The following LLGL1 variants were observed in gnomAD, a reference collection of about 807,000 sequenced individuals.
The protein encoded by LLGL1 is LLGL scribble cell polarity complex component 1, also known as lethal(2) giant larvae protein homolog 1.
LLGL1 carries 58 observed loss-of-function variants against 110.6 expected under a neutral mutation model. The ratio of observed to expected loss-of-function variants is 0.52; its 90% CI spans 0.42 to 0.65. LLGL1 has a LOEUF of 0.65. LLGL1 is among the 30% of genes least tolerant of loss of function. The probability of loss-of-function intolerance (pLI) is 0.00; values close to 1 mark genes in which losing one functional copy is unlikely to be tolerated. For synonymous variants in LLGL1, 674 were observed against 607.2 expected (o/e 1.11, Z -1.62); for missense variants, 1,229 against 1,462.1 (o/e 0.84, Z 2.60).
Position 18,238,173 on chromosome 17 carries a change from C to G in LLGL1, c.2011C>G (p.Arg671Gly). ...RQSFRRIRKS[R>G]VSGKKRAANA... The stretch of plus-strand genomic sequence containing the variant: ...GTCTTTCCGGCGCATTCGCAAGAGT[C>G]GTGTCTCTGGCAAGAAGCGGGCTGC... The change falls in exon 15 of 23, where the codon CGT (arginine) becomes GGT (glycine). Residue 671 changes from arginine (R) to glycine (G), a missense_variant. By Grantham distance (125) the Arg-to-Gly change is moderately radical. Transcript: ENST00000316843. 6.2e-7 allele frequency: 1 copy of G among 1,613,090 alleles called. No homozygotes were observed. Among genetic ancestry groups the G allele is most frequent in the Non-Finnish European group, 8.5e-7 (1 of 1,180,030 alleles).
At position 18,236,697 on chromosome 17, in the gene LLGL1, A is replaced by G; in HGVS notation, c.1443A>G (p.Thr481=). The G allele has an allele frequency of 6.2e-7, 1 of 1,612,728 alleles. No homozygotes were observed. Among genetic ancestry groups the G allele is most frequent in the South Asian group, 1.1e-5 (1 of 91,082 alleles). Residue 481 remains threonine, a synonymous_variant, in exon 12 of 23, where the codon ACA becomes ACG. Transcript: ENST00000316843. The stretch of plus-strand genomic sequence containing the variant: ...TGAGCACAGCTGGCCTCTTCCAGAC[A>G]GACTGTGAGCACGCTGACAGCCTGG... The part of the protein sequence containing the change: ...YKLSTAGLFQ[T]DCEHADSLAQ...
At position 18,241,507 on chromosome 17, in the gene LLGL1, G is replaced by T. The variant is rs56406965; in HGVS notation, c.2559G>T (p.Glu853Asp). ...CCAAGTTCAAGCTGACGGCCCATGAGGGCTGTCGTGTGCGCAAGGTGGCAC... is the reference window on the plus strand; with the variant it reads ...CCAAGTTCAAGCTGACGGCCCATGATGGCTGTCGTGTGCGCAAGGTGGCAC... ...AKTKFKLTAHEGCRVRKVALA... is the reference protein window; with the variant it reads ...AKTKFKLTAHDGCRVRKVALA... Residue 853 changes from glutamate (E) to aspartate (D), a missense_variant, in exon 18 of 23, where the codon GAG becomes GAT. By Grantham distance (45) the Glu-to-Asp change is conservative. Coordinates refer to ENST00000316843, the MANE Select transcript of LLGL1 (RefSeq NM_004140.4). 1.2e-6 allele frequency: 2 copies of T among 1,613,840 alleles called. No homozygotes were observed. Among genetic ancestry groups the T allele is most frequent in the East Asian group, 4.5e-5 (2 of 44,872 alleles).
At position 18,240,970 on chromosome 17, in the gene LLGL1, T is replaced by A. The variant is rs1386105899; in HGVS notation, c.2502+97T>A. ...ACCCTCAAGAAACCCTTCCTGCCTGTATCCCCCACTGTTGGGACCCTAATT... is the reference window on the plus strand; with the variant it reads ...ACCCTCAAGAAACCCTTCCTGCCTGAATCCCCCACTGTTGGGACCCTAATT... On this transcript the variant is annotated intron_variant, in intron 17 of 22. Coordinates refer to ENST00000316843, the MANE Select transcript of LLGL1 (RefSeq NM_004140.4). This position sits in a 1 kb window ranked among gnomAD's most constrained non-coding sequence, Gnocchi z 5.3. The A allele has an allele frequency of 7.9e-7, 1 of 1,264,680 alleles. No individual in the cohort carries two copies. Among genetic ancestry groups the A allele is most frequent in the African/African-American group, 1.5e-5 (1 of 66,248 alleles). 78.3% of individuals were successfully genotyped at this position (1,264,680 alleles called of 1,614,324 possible).
In LLGL1 at chr17:18,241,639, C is replaced by G. The variant is rs769561532; in HGVS notation, c.2691C>G (p.Pro897=). ...TCTTCTCGGTGCCTGGCCTGCGGCC[C>G]CAGGTGCACTATTCCTGCATCCGGA... ...VHVFSVPGLR[P]QVHYSCIRKE... The change falls in exon 18 of 23, where the codon CCC becomes CCG. Residue 897 remains proline, a synonymous_variant. Transcript: ENST00000316843. 2 of 1,613,750 alleles carry G rather than the reference C, an allele frequency of 1.2e-6. No homozygotes were observed. Among genetic ancestry groups the G allele is most frequent in the Non-Finnish European group, 1.7e-6 (2 of 1,180,040 alleles).
At chr17:18,231,651 T>G (rs540681934) in intron 2 of LLGL1, among the ~76,000 whole-genome samples, 9 of 151,924 alleles carry the variant, frequency 5.9e-5, no homozygotes, top group Admixed American at 4.6e-4. Context: ...GGGAGGTGGG[T>G]TTTTTTTGTT....
intron 2 of LLGL1, among the ~76,000 whole-genome samples, chr17:18,230,994 G>T (rs1329935651): frequency 2.0e-5 from 3 of 152,154 alleles, no homozygotes; most frequent in Non-Finnish European, 2.9e-5. Flanking sequence ...CACATGCTCC[G>T]CTGCCTGGCC....
chr17:18,240,847 C>G lies in LLGL1; in HGVS notation c.2476C>G (p.Leu826Val). Residue 826 changes from leucine to valine, a missense_variant, in exon 17 of 23, where the codon CTC becomes GTC. Physicochemically the swap from Leu to Val is conservative, Grantham distance 32. Coordinates refer to ENST00000316843, the MANE Select transcript of LLGL1 (RefSeq NM_004140.4). The surrounding 1 kb of genome is among the most constrained non-coding windows in gnomAD (Gnocchi z 5.3). ...TGACATGCAGGGTGGTCACGCTGTG[C>G]TCATCGCATCTGAGGAGCAGTTCAA... Reference protein sequence around the residue: ...APDMQGGHAVLIASEEQFKVF... With the variant: ...APDMQGGHAVVIASEEQFKVF... 6.5e-7 allele frequency: 1 copy of G among 1,547,396 alleles called. No individual in the cohort carries two copies. Among genetic ancestry groups the G allele is most frequent in the Non-Finnish European group, 8.8e-7 (1 of 1,141,002 alleles).
chr17:18,242,833 G>C lies in LLGL1; in HGVS notation c.*1+11G>C. ...TCCTGATCAAATGAGGTGCTGCAGG[G>C]GTGGGGCCCTGGTCCTCACCACTGG... On this transcript the variant is annotated intron_variant, in intron 22 of 22. Coordinates refer to ENST00000316843, the MANE Select transcript of LLGL1 (RefSeq NM_004140.4). 6.5e-7 allele frequency: 1 copy of C among 1,545,280 alleles called. No individual in the cohort carries two copies. The highest frequency in any genetic ancestry group is 1.2e-5 in the South Asian group (1 of 83,086).
At chr17:18,242,025 T>C (rs2047847837) in intron 19 of LLGL1, 26 bp downstream of exon 19, 3 of 1,590,488 alleles carry the variant, frequency 1.9e-6, no homozygotes, top group Non-Finnish European at 2.6e-6. Context: ...GCTCCTAGCC[T>C]GGGGGACCTG....
At position 18,235,465 on chromosome 17, in the gene LLGL1, C is replaced by T. The variant is rs773124612; in HGVS notation, c.1285-5C>T. ...TGTGCATACATCTCTGCCACCCCCT[C>T]CCAGAGCTGGCCCATCACTGGGGGC... On this transcript the variant is annotated splice_polypyrimidine_tract_variant and splice_region_variant and intron_variant, in intron 10 of 22. Coordinates refer to ENST00000316843, the MANE Select transcript of LLGL1 (RefSeq NM_004140.4). The T allele has an allele frequency of 5.6e-6, 9 of 1,614,000 alleles. No individual in the cohort carries two copies. In the Admixed American group the frequency reaches 8.3e-5, roughly 15 times the overall value.
At chr17:18,241,769 G>A (rs903850956) in intron 18 of LLGL1, 54 bp downstream of exon 18, 1 of 1,608,436 alleles carries the variant, frequency 6.2e-7, no homozygotes, top group Non-Finnish European at 8.5e-7. Flanking sequence ...AACTGAGTGG[G>A]ACCAGTACTG....
rs544738693 is a variant in LLGL1 at position 18,237,218 on chromosome 17, A to T, written c.1612-263A>T. ...ATGTGTCCTTATTGCTAAATGGGAG[A>T]TAGAGGCTCAGGGTAAGGGTGGACA... On this transcript the variant is annotated intron_variant, in intron 13 of 22. Coordinates refer to ENST00000316843, the MANE Select transcript of LLGL1 (RefSeq NM_004140.4). The T allele has an allele frequency of 1.7e-5, 10 of 595,366 alleles. No individual in the cohort carries two copies. In the South Asian group the frequency reaches 2.0e-4, roughly 12 times the overall value. 36.9% of individuals were successfully genotyped at this position (595,366 alleles called of 1,614,324 possible).
At chr17:18,235,667 T>C in intron 11 of LLGL1, 130 bp downstream of exon 11, 1 of 843,940 alleles carries the variant, frequency 1.2e-6, no homozygotes, top group Non-Finnish European at 1.8e-6. Flanking sequence ...AGTTCCTCCT[T>C]GCCCAAGGTG....
At chr17:18,243,387 G>A (rs1455551806) in intron 22 of LLGL1, among the ~76,000 whole-genome samples, 3 of 152,188 alleles carry the variant, frequency 2.0e-5, no homozygotes, top group Admixed American at 6.5e-5. Context: ...GATTACAGGC[G>A]TGAGCCACCG....
rs1384184580 is a variant in LLGL1, at chr17:18,235,182, C to T, written c.1154C>T (p.Pro385Leu). The stretch of plus-strand genomic sequence containing the variant: ...CCTGGCTGGCCAGCTGTGCCTGCCC[C>T]ATACCTGGCCCCGCTGCACTCCTCT... ...QTPGWPAVPA[P>L]YLAPLHSSAI... Residue 385 changes from proline to leucine, a missense_variant, in exon 10 of 23, where the codon CCA (proline) becomes CTA (leucine). Coordinates refer to ENST00000316843, the MANE Select transcript of LLGL1 (RefSeq NM_004140.4). 6.2e-7 allele frequency: 1 copy of T among 1,612,744 alleles called. No homozygotes were observed. The highest frequency in any genetic ancestry group is 8.5e-7 in the Non-Finnish European group (1 of 1,180,034).
Position 18,238,503 on chromosome 17 carries a change from CGTG to C in LLGL1, c.2102_2104del (p.Val701del). On this transcript the variant is annotated inframe_deletion, in exon 16 of 23. Coordinates refer to ENST00000316843, the MANE Select transcript of LLGL1 (RefSeq NM_004140.4). The stretch of plus-strand genomic sequence containing the variant: ...TGGCTGAGCAGGCCTGCCCCCACGA[CGTG>C]GAGATGACGCCCGTGCAGCGCCGCA... 6.2e-7 allele frequency: 1 copy of C among 1,612,490 alleles called. No individual in the cohort carries two copies. Among genetic ancestry groups the C allele is most frequent in the Non-Finnish European group, 8.5e-7 (1 of 1,179,970 alleles).
chr17:18,235,511 G>C lies in LLGL1; in HGVS notation c.1326G>C (p.Pro442=). The change falls in exon 11 of 23, where the codon CCG becomes CCC. Residue 442 remains proline (P), a synonymous_variant. Transcript: ENST00000316843. ...ITGGRNLAQE[P]SQRGLLLTGH... ...GGGGCCGAAACCTGGCCCAGGAGCC[G>C]TCACAGCGAGGGCTGCTGCTGACGG... 1 of 1,613,938 alleles carries C rather than the reference G, an allele frequency of 6.2e-7. No homozygotes were observed. Among genetic ancestry groups the C allele is most frequent in the South Asian group, 1.1e-5 (1 of 91,084 alleles).
chr17:18,240,729 C>T lies in LLGL1; in HGVS notation c.2358C>T (p.His786=), dbSNP rs776086566. 1.3e-5 allele frequency: 21 copies of T among 1,612,528 alleles called. No individual in the cohort carries two copies. In the Admixed American group the frequency reaches 3.5e-4, roughly 27 times the overall value. Residue 786 remains histidine (H), a synonymous_variant, in exon 17 of 23, where the codon CAC becomes CAT. Transcript: ENST00000316843. This position sits in a 1 kb window ranked among gnomAD's most constrained non-coding sequence, Gnocchi z 5.3. ...AVLGKEVQLM[H]RAPVVAIAVL... ...TGGGCAAGGAGGTGCAGCTGATGCA[C>T]CGGGCGCCTGTGGTGGCCATTGCCG...
intron 2 of LLGL1, among the ~76,000 whole-genome samples, chr17:18,230,261 G>C (rs1236390693): frequency 6.6e-6 from 1 of 152,112 alleles, no homozygotes; most frequent in African/African-American, 2.4e-5. Flanking sequence ...GTGGTGGGGG[G>C]TCAGTTTGCA....
Sources: gnomAD v4.1 joint callset for allele counts (sites outside exome capture counted in the v4.1 genomes callset) on GRCh38, gnomAD v4.1.1 for gene constraint, Gnocchi (gnomAD v3.1) non-coding constraint, MANE v1.5 for transcripts, NCBI Gene and HGNC (gene_info 2026-07-23, HGNC 2026-07-21) for gene names.